BABAM2: variants seen among roughly 807,000 people sequenced by gnomAD.
BABAM2 encodes BRISC and BRCA1 A complex member 2, also known as BRISC and BRCA1-A complex member 2.
Under a neutral mutation model 54.7 loss-of-function variants are expected in BABAM2, and 31 were observed. The observed-to-expected ratio is 0.57, with a 90% CI of 0.43 to 0.77. The LOEUF is 0.77. Ranked by LOEUF, BABAM2 falls within the 30% of genes least tolerant of loss-of-function variation. The pLI is 0.00. For missense variants in BABAM2, 364 were observed against 455.8 expected (o/e 0.80, Z 1.83); for synonymous variants, 167 against 162.9 (o/e 1.03, Z -0.19).
chr2:27,982,775 TA>T (rs1333725755), intron 3 of BABAM2, among the ~76,000 whole-genome samples: 1 of 151,972 alleles, frequency 6.6e-6, no homozygotes, highest in Non-Finnish European at 1.5e-5. Flanking sequence ...ATGTCGTCAA[TA>T]TTCATTCATG....
At chr2:28,330,031 T>A (rs1310141815) in intron 11 of BABAM2, among the ~76,000 whole-genome samples, 1 of 152,180 alleles carries the variant, frequency 6.6e-6, no homozygotes, top group Non-Finnish European at 1.5e-5. Context: ...GTTCAACATA[T>A]GCAAATCAGT....
chr2:28,065,612 A>C (rs1278394424), intron 6 of BABAM2, among the ~76,000 whole-genome samples: 1 of 152,200 alleles, frequency 6.6e-6, no homozygotes, highest in Non-Finnish European at 1.5e-5. Context: ...TCGCTAAGCT[A>C]TAGATAGGTT....
chr2:27,890,277 G>A, upstream of BABAM2: 1 of 1,613,808 alleles, frequency 6.2e-7, no homozygotes, highest in Non-Finnish European at 8.5e-7. This position sits in a 1 kb window ranked among gnomAD's most constrained non-coding sequence, Gnocchi z 4.8. Flanking sequence ...CGGTCATGCA[G>A]GAGCCCACCA....
At chr2:28,077,464 C>T (rs1664789331) in intron 6 of BABAM2, among the ~76,000 whole-genome samples, 2 of 152,042 alleles carry the variant, frequency 1.3e-5, no homozygotes, top group African/African-American at 4.8e-5. Flanking sequence ...CTGTTTATTT[C>T]ACAAAAAACT....
At chr2:28,319,379 G>A (rs1414695322) in intron 11 of BABAM2, among the ~76,000 whole-genome samples, 4 of 152,248 alleles carry the variant, frequency 2.6e-5, no homozygotes, top group Admixed American at 6.5e-5. Flanking sequence ...AGCTTAGCAC[G>A]CAGAGCACAG....
chr2:28,195,448 G>C (rs970272196), intron 7 of BABAM2, among the ~76,000 whole-genome samples: 1 of 151,978 alleles, frequency 6.6e-6, no homozygotes, highest in Non-Finnish European at 1.5e-5. Context: ...TCAGATATCT[G>C]TCTGGAAAAA....
chr2:27,975,232 G>C (rs1671506325), intron 3 of BABAM2, among the ~76,000 whole-genome samples: 1 of 151,988 alleles, frequency 6.6e-6, no homozygotes, highest in South Asian at 2.1e-4. Flanking sequence ...GCAGGATTGG[G>C]TAGATATTGA....
At chr2:28,233,367 G>A in intron 7 of BABAM2, 1 of 433,802 alleles carries the variant, frequency 2.3e-6, no homozygotes, top group South Asian at 1.7e-5. Flanking sequence ...TGAGTTTCCT[G>A]TTGTACATGC....
chr2:28,104,239 A>G (rs919210399), intron 6 of BABAM2, among the ~76,000 whole-genome samples: 3 of 152,206 alleles, frequency 2.0e-5, no homozygotes, highest in Non-Finnish European at 4.4e-5. Context: ...AGAAACTACC[A>G]TCAGAGTGAA....
intron 4 of BABAM2, among the ~76,000 whole-genome samples, chr2:28,018,224 A>G (rs1353196456): frequency 6.6e-6 from 1 of 152,190 alleles, no homozygotes; most frequent in East Asian, 1.9e-4. Context: ...GTGTCCTCGT[A>G]GCTTAGCTCC....
intron 6 of BABAM2, among the ~76,000 whole-genome samples, chr2:28,061,884 C>T (rs575080150): frequency 6.6e-4 from 100 of 152,178 alleles, no homozygotes; most frequent in African/African-American, 2.2e-3. Context: ...AAAAGGGAGT[C>T]CCAAACACTT....
chr2:28,126,412 C>T (rs1395879196), intron 6 of BABAM2, among the ~76,000 whole-genome samples: 25 of 147,976 alleles, frequency 1.7e-4, no homozygotes, highest in African/African-American at 5.0e-4. Context: ...TTTGTCCTTG[C>T]GATAGTTTAC....
At chr2:28,095,277 G>T (rs1465760469) in intron 6 of BABAM2, among the ~76,000 whole-genome samples, 1 of 152,044 alleles carries the variant, frequency 6.6e-6, no homozygotes. Flanking sequence ...TCTGGGTCAG[G>T]TGCCTTTCCT....
intron 6 of BABAM2, among the ~76,000 whole-genome samples, chr2:28,078,158 T>C (rs978782175): frequency 3.9e-5 from 6 of 152,120 alleles, no homozygotes; most frequent in African/African-American, 9.6e-5. Context: ...ATCTTCACAA[T>C]GTACAAGCCA....
intron 11 of BABAM2, among the ~76,000 whole-genome samples, chr2:28,315,686 T>C (rs1689497352): frequency 6.6e-6 from 1 of 150,770 alleles, no homozygotes; most frequent in South Asian, 2.1e-4. Flanking sequence ...AGAGGTGGAG[T>C]CTCACTATGT....
intron 7 of BABAM2, among the ~76,000 whole-genome samples, chr2:28,176,013 C>T (rs1351905018): frequency 1.3e-5 from 2 of 152,206 alleles, no homozygotes; most frequent in Non-Finnish European, 2.9e-5. Context: ...CTCCTGCATG[C>T]ACCCAGAATC....
At chr2:28,049,722 T>C in intron 6 of BABAM2, among the ~76,000 whole-genome samples, 1 of 152,230 alleles carries the variant, frequency 6.6e-6, no homozygotes, top group East Asian at 1.9e-4. Context: ...CCCAGGTCAC[T>C]CTGCCAAACA....
At chr2:27,993,904 C>G (rs1672950015) in intron 4 of BABAM2, among the ~76,000 whole-genome samples, 2 of 152,144 alleles carry the variant, frequency 1.3e-5, no homozygotes, top group African/African-American at 4.8e-5. Flanking sequence ...TAGTTCCCAT[C>G]CCCAGTATAC....
At chr2:28,148,521 T>G (rs190624686) in intron 7 of BABAM2, among the ~76,000 whole-genome samples, 26 of 152,344 alleles carry the variant, frequency 1.7e-4, no homozygotes, top group African/African-American at 5.8e-4. Context: ...GAACCACATT[T>G]TGGGGGACAG....
Sources: gnomAD v4.1 joint callset for allele counts (sites outside exome capture counted in the v4.1 genomes callset) on GRCh38, gnomAD v4.1.1 for gene constraint, Gnocchi (gnomAD v3.1) non-coding constraint, MANE v1.5 for transcripts, NCBI Gene and HGNC (gene_info 2026-07-23, HGNC 2026-07-21) for gene names.